The following PPFIA1 variants were observed in gnomAD, a reference collection of about 807,000 sequenced individuals.
PPFIA1 encodes PPFI scaffold protein A1, also known as liprin-alpha-1.
Under a neutral mutation model 149.9 loss-of-function variants are expected in PPFIA1, and 25 were observed. The observed-to-expected ratio is 0.17, with a 90% CI of 0.12 to 0.23. PPFIA1 has a LOEUF of 0.23. PPFIA1 is among the 10% of genes least tolerant of loss of function. PPFIA1 has a pLI of 1.00. For missense variants in PPFIA1, 1,362 were observed against 1,506.5 expected (o/e 0.90, Z 1.59); for synonymous variants, 549 against 552.8 (o/e 0.99, Z 0.10).
rs192921928 is a variant in PPFIA1 at position 70,300,986 on chromosome 11, G to C, written c.265-23416G>C. On this transcript the variant is annotated intron_variant, in intron 2 of 27. Coordinates refer to ENST00000253925, the MANE Select transcript of PPFIA1 (RefSeq NM_003626.5). The stretch of plus-strand genomic sequence containing the variant: ...CTCCATTTAAGGTCATGGGTTTACT[G>C]TGTAAACAGGCCCTTCATTTTTACT... 2.6e-5 allele frequency among the ~76,000 whole-genome samples: 4 copies of C among 152,306 alleles called. No homozygotes were observed. In the East Asian group the frequency reaches 7.7e-4, roughly 29 times the overall value.
At chr11:70,316,367 C>T (rs2053627264) in intron 2 of PPFIA1, among the ~76,000 whole-genome samples, 1 of 152,230 alleles carries the variant, frequency 6.6e-6, no homozygotes, top group African/African-American at 2.4e-5. Flanking sequence ...CCACCATGCC[C>T]TGCCAATTTC....
intron 21 of PPFIA1, among the ~76,000 whole-genome samples, chr11:70,363,569 A>AGT (rs1344750697): frequency 2.6e-5 from 4 of 152,128 alleles, no homozygotes; most frequent in Non-Finnish European, 4.4e-5. Context: ...GCTGGAGTGC[A>AGT]GTGGCTCAAT....
intron 16 of PPFIA1, among the ~76,000 whole-genome samples, chr11:70,352,021 G>C (rs1016824101): frequency 5.9e-5 from 9 of 152,158 alleles, no homozygotes; most frequent in Non-Finnish European, 8.8e-5. Context: ...TAACTTTCAT[G>C]CTCTGGTCTG....
intron 2 of PPFIA1, among the ~76,000 whole-genome samples, chr11:70,304,320 C>T (rs1445876310): frequency 6.6e-6 from 1 of 151,892 alleles, no homozygotes; most frequent in African/African-American, 2.4e-5. Context: ...CACCTGGGTC[C>T]TTTGTGATAG....
At chr11:70,376,690 C>G in intron 25 of PPFIA1, 90 bp downstream of exon 25, 1 of 1,109,080 alleles carries the variant, frequency 9.0e-7, no homozygotes, top group Non-Finnish European at 1.4e-6. Flanking sequence ...TATTATTATA[C>G]TTGGGACATC....
chr11:70,303,075 C>T (rs769423229), intron 2 of PPFIA1, among the ~76,000 whole-genome samples: 7 of 152,178 alleles, frequency 4.6e-5, no homozygotes, highest in Non-Finnish European at 8.8e-5. Context: ...CTTGGTCTTG[C>T]GTATGCTGAG....
At chr11:70,373,416 A>C (rs1304695615) in intron 23 of PPFIA1, 2 of 149,080 alleles carry the variant, frequency 1.3e-5, no homozygotes, top group South Asian at 4.2e-4. Flanking sequence ...TTTTGTAGAG[A>C]CAGGGTCTCG....
At chr11:70,284,378 T>A (rs2050963573) in intron 2 of PPFIA1, among the ~76,000 whole-genome samples, 1 of 152,248 alleles carries the variant, frequency 6.6e-6, no homozygotes, top group Non-Finnish European at 1.5e-5. Context: ...ACACTGAATT[T>A]GCCATCTTGT....
At chr11:70,366,864 AT>A (rs1480022097) in intron 21 of PPFIA1, among the ~76,000 whole-genome samples, 2 of 151,810 alleles carry the variant, frequency 1.3e-5, no homozygotes. Flanking sequence ...TTTTATTTGT[AT>A]TTTTTAACAA....
chr11:70,365,373 A>G, intron 21 of PPFIA1: 1 of 456,490 alleles, frequency 2.2e-6, no homozygotes, highest in South Asian at 1.5e-5. Context: ...GTCACCTTAG[A>G]CCACAGGAAA....
chr11:70,271,423 C>G (rs1015821397), intron 1 of PPFIA1: 1 of 152,328 alleles, frequency 6.6e-6, no homozygotes, highest in Non-Finnish European at 1.5e-5. Flanking sequence ...GTCTTTATAT[C>G]CCAGACACTT....
At chr11:70,323,343 C>T (rs973611113) in intron 2 of PPFIA1, among the ~76,000 whole-genome samples, 8 of 152,234 alleles carry the variant, frequency 5.3e-5, no homozygotes, top group African/African-American at 1.9e-4. Context: ...CAGCTACCGT[C>T]TTACAGAGCC....
At position 70,308,921 on chromosome 11, in the gene PPFIA1, G is replaced by A. The variant is rs145102379; in HGVS notation, c.265-15481G>A. Among the ~76,000 whole-genome samples the A allele has an allele frequency of 3.3e-3, 505 of 152,170 alleles. 8 individuals carry two copies. The highest frequency in any genetic ancestry group is 0.011 in the African/African-American group (475 of 41,548). On this transcript the variant is annotated intron_variant, in intron 2 of 27. Coordinates refer to ENST00000253925, the MANE Select transcript of PPFIA1 (RefSeq NM_003626.5). ...CTGGGTGACAGGGCGAGACTCTCTC[G>A]AAGAGATAAACAAATGTAAGAATAA...
intron 14 of PPFIA1, among the ~76,000 whole-genome samples, chr11:70,340,018 A>G (rs896143160): frequency 5.9e-5 from 9 of 152,016 alleles, no homozygotes; most frequent in Non-Finnish European, 1.2e-4. Context: ...ATCTTAAAAA[A>G]TAAAATAAAA....
intron 2 of PPFIA1, among the ~76,000 whole-genome samples, chr11:70,289,742 T>C (rs2051398407): frequency 6.6e-6 from 1 of 152,206 alleles, no homozygotes; most frequent in Non-Finnish European, 1.5e-5. Context: ...GCTTTTTAAG[T>C]GTTGGCATTA....
At chr11:70,274,373 C>T (rs549815503) in intron 2 of PPFIA1, among the ~76,000 whole-genome samples, 1 of 152,188 alleles carries the variant, frequency 6.6e-6, no homozygotes, top group African/African-American at 2.4e-5. Context: ...TACCACCACC[C>T]AGATCAAGAA....
chr11:70,305,442 G>A (rs1293364358), intron 2 of PPFIA1, among the ~76,000 whole-genome samples: 4 of 151,984 alleles, frequency 2.6e-5, no homozygotes, highest in South Asian at 2.1e-4. Flanking sequence ...GCATGATCAC[G>A]GCTCCTGCAG....
chr11:70,375,088 A>G lies in PPFIA1; in HGVS notation c.3310A>G (p.Thr1104Ala). Residue 1104 changes from threonine (T) to alanine (A), a missense_variant, in exon 24 of 28, where the codon ACA (threonine) becomes GCA (alanine). Thr to Ala is a moderately conservative substitution (Grantham distance 58). Around this residue, in one of 7 missense-constraint regions of PPFIA1, gnomAD observed 349 missense variants for 373.3 expected, o/e 0.93. Coordinates refer to ENST00000253925, the MANE Select transcript of PPFIA1 (RefSeq NM_003626.5). ...ALLLQIPTQN[T>A]QARAVLEREF... ...GCTGTTACAGATCCCGACGCAGAAC[A>G]CACAGGTGACGCCAAACCTGTCTGT... 2 of 1,606,900 alleles carry G rather than the reference A, an allele frequency of 1.2e-6. No individual in the cohort carries two copies. Among genetic ancestry groups the G allele is most frequent in the South Asian group, 2.2e-5 (2 of 89,804 alleles).
intron 2 of PPFIA1, among the ~76,000 whole-genome samples, chr11:70,323,135 C>G (rs1468421375): frequency 6.6e-6 from 1 of 152,204 alleles, no homozygotes; most frequent in Non-Finnish European, 1.5e-5. Context: ...CAGGCTGTGC[C>G]TCCATTAAAC....
Sources: gnomAD v4.1 joint callset for allele counts (sites outside exome capture counted in the v4.1 genomes callset) on GRCh38, gnomAD v4.1.1 for gene constraint, gnomAD v4.1.1 regional missense constraint, MANE v1.5 for transcripts, NCBI Gene and HGNC (gene_info 2026-07-23, HGNC 2026-07-21) for gene names.